Variants in PEX5L observed in about 807,000 individuals in gnomAD.
PEX5L encodes the protein PEX5-related protein.
A neutral mutation model predicts 84.0 loss-of-function variants in PEX5L; 30 were observed. The ratio of observed to expected loss-of-function variants is 0.36; its 90% CI spans 0.27 to 0.48. The LOEUF is 0.48. PEX5L is among the 20% of genes least tolerant of loss of function. PEX5L has a pLI of 0.99. For missense variants in PEX5L, 533 were observed against 754.6 expected (o/e 0.71, Z 3.44); for synonymous variants, 270 against 283.1 (o/e 0.95, Z 0.46).
rs1322040918 is a variant in PEX5L, at chr3:179,835,553, T to A, written c.823-15577A>T. Among the ~76,000 whole-genome samples the A allele has an allele frequency of 2.6e-5, 4 of 152,206 alleles. No homozygotes were observed. The East Asian group carries it at 7.7e-4, about 29-fold the overall frequency. On this transcript the variant is annotated intron_variant, in intron 8 of 14. Transcript: ENST00000467460. ...GAGGCAGAGCTTGTGATTTATTTTT[T>A]AAAAGTATATTTAGAATCTGAAGAA...
Position 180,014,051 on chromosome 3 carries a change from G to A in PEX5L, c.21+22528C>T, listed in dbSNP as rs550968386. ...TTGGCACCATTGGGTGGGAAAGGGA[G>A]TAATGCATCCATGCTCATGCCCTTG... is the stretch of plus-strand genomic sequence containing the variant. On this transcript the variant is annotated intron_variant, in intron 1 of 14. Transcript: ENST00000467460. Among the ~76,000 whole-genome samples the A allele has an allele frequency of 5.1e-4, 77 of 152,226 alleles. 1 individual carries two copies. Among genetic ancestry groups the A allele is most frequent in the Non-Finnish European group, 1.5e-4 (10 of 68,042 alleles).
intron 2 of PEX5L, among the ~76,000 whole-genome samples, chr3:179,963,890 C>G (rs983834789): frequency 6.6e-6 from 1 of 152,020 alleles, no homozygotes; most frequent in African/African-American, 2.4e-5. Flanking sequence ...CATCCATGAC[C>G]CCAGACTAGA....
intron 2 of PEX5L, among the ~76,000 whole-genome samples, chr3:179,941,894 G>A (rs926174744): frequency 6.6e-6 from 1 of 151,000 alleles, no homozygotes; most frequent in African/African-American, 2.4e-5. Flanking sequence ...GGTGGTGGGC[G>A]CCTGTAATCC....
At chr3:179,867,257 A>G (rs760499770) in intron 7 of PEX5L, among the ~76,000 whole-genome samples, 3 of 152,140 alleles carry the variant, frequency 2.0e-5, no homozygotes, top group African/African-American at 7.2e-5. Flanking sequence ...ACTAGTTTTA[A>G]AAATGATCCA....
At chr3:179,961,061 G>T (rs1781867664) in intron 2 of PEX5L, among the ~76,000 whole-genome samples, 1 of 141,474 alleles carries the variant, frequency 7.1e-6, no homozygotes, top group Non-Finnish European at 1.5e-5. Flanking sequence ...CCAGCACAAA[G>T]CCTGGATGGT....
At chr3:179,870,921 T>G (rs950399273) in intron 7 of PEX5L, among the ~76,000 whole-genome samples, 1 of 152,182 alleles carries the variant, frequency 6.6e-6, no homozygotes, top group Non-Finnish European at 1.5e-5. Flanking sequence ...AAAGAAAATT[T>G]GAAAACATTA....
intron 2 of PEX5L, 81 bp from the exon 3 acceptor site, chr3:179,898,327 A>G: frequency 2.0e-6 from 2 of 996,708 alleles, no homozygotes; most frequent in South Asian, 1.8e-5. Context: ...TAATGTTTAA[A>G]GAGCAATCCA....
At chr3:179,929,224 T>G (rs543854312) in intron 2 of PEX5L, among the ~76,000 whole-genome samples, 1 of 152,288 alleles carries the variant, frequency 6.6e-6, no homozygotes, top group South Asian at 2.1e-4. Flanking sequence ...AAAATCAGGT[T>G]GCTTCCCTAG....
intron 2 of PEX5L, among the ~76,000 whole-genome samples, chr3:179,950,117 G>A (rs1778678171): frequency 6.6e-6 from 1 of 152,210 alleles, no homozygotes; most frequent in Non-Finnish European, 1.5e-5. Flanking sequence ...GTCAGTGACA[G>A]TGGCTTTACA....
intron 1 of PEX5L, among the ~76,000 whole-genome samples, chr3:180,024,635 T>C (rs1790774296): frequency 6.6e-6 from 1 of 151,618 alleles, no homozygotes; most frequent in African/African-American, 2.4e-5. Context: ...TGTATGACCA[T>C]TGTGAGTACA....
At chr3:179,944,266 A>G (rs1340789906) in intron 2 of PEX5L, among the ~76,000 whole-genome samples, 2 of 152,190 alleles carry the variant, frequency 1.3e-5, no homozygotes, top group Non-Finnish European at 2.9e-5. Context: ...TGCATAAAAG[A>G]TGGGAGGTTT....
intron 8 of PEX5L, among the ~76,000 whole-genome samples, chr3:179,843,142 A>G (rs1737938091): frequency 6.6e-6 from 1 of 152,236 alleles, no homozygotes; most frequent in African/African-American, 2.4e-5. Flanking sequence ...TACTAAAAAA[A>G]GAACTGATAC....
rs769196966 is a variant in PEX5L, at chr3:179,801,805, T to C, written c.*23A>G. The stretch of plus-strand genomic sequence containing the variant: ...GTACAATCACACAGATCAGGGATTA[T>C]TAGTACTGGTATTATTCTTTCTTCA... On this transcript the variant is annotated 3_prime_UTR_variant, in exon 15 of 15. Coordinates refer to ENST00000467460, the MANE Select transcript of PEX5L (RefSeq NM_016559.3). 7 of 1,357,318 alleles carry C rather than the reference T, an allele frequency of 5.2e-6. No individual in the cohort carries two copies. Among genetic ancestry groups the C allele is most frequent in the Middle Eastern group, 1.8e-4 (1 of 5,466 alleles). 84.1% of individuals were successfully genotyped at this position (1,357,318 alleles called of 1,614,324 possible). A position where few individuals can be genotyped will look rare whatever the true frequency, so the allele number is the denominator to read the frequency against.
chr3:179,954,230 G>GTA lies in PEX5L; in HGVS notation c.93+17363_93+17364insTA, dbSNP rs1475141038. Among the ~76,000 whole-genome samples, 19 of 150,770 alleles carry GTA rather than the reference G, an allele frequency of 1.3e-4. No individual in the cohort carries two copies. The East Asian group carries it at 3.7e-3, about 29-fold the overall frequency. On this transcript the variant is annotated intron_variant, in intron 2 of 14. Coordinates refer to ENST00000467460, the MANE Select transcript of PEX5L (RefSeq NM_016559.3). ...GGGGGGGGGGGAAAAAGTCAGCCAT[G>GTA]AGTAAAAGGGCTTCAGCACTCTCAG...
At chr3:179,930,752 G>C (rs1450096406) in intron 2 of PEX5L, among the ~76,000 whole-genome samples, 1 of 152,160 alleles carries the variant, frequency 6.6e-6, no homozygotes, top group Non-Finnish European at 1.5e-5. Context: ...AATATTTGGT[G>C]CTTTTTCTAA....
chr3:179,963,952 CTTTT>C (rs904664110), intron 2 of PEX5L, among the ~76,000 whole-genome samples: 1 of 149,166 alleles, frequency 6.7e-6, no homozygotes, highest in Non-Finnish European at 1.5e-5. Context: ...CCAAGGACAT[CTTTT>C]TTTTTTAACT....
intron 2 of PEX5L, among the ~76,000 whole-genome samples, chr3:179,910,032 G>A (rs1448970468): frequency 2.6e-5 from 4 of 152,210 alleles, no homozygotes; most frequent in Non-Finnish European, 5.9e-5. Context: ...TGACTACGAA[G>A]CGGTCTTACT....
intron 2 of PEX5L, among the ~76,000 whole-genome samples, chr3:179,916,539 A>C (rs532495153): frequency 6.6e-6 from 1 of 152,324 alleles, no homozygotes; most frequent in Admixed American, 6.5e-5. Flanking sequence ...ATTACTGTAT[A>C]CTACTGTAGA....
chr3:180,008,141 T>C (rs1323360116), intron 1 of PEX5L, among the ~76,000 whole-genome samples: 4 of 152,214 alleles, frequency 2.6e-5, no homozygotes, highest in African/African-American at 2.4e-5. Flanking sequence ...AAGTTACCTA[T>C]TGAATGCTTT....
Sources: gnomAD v4.1 joint callset for allele counts (sites outside exome capture counted in the v4.1 genomes callset) on GRCh38, gnomAD v4.1.1 for gene constraint, MANE v1.5 for transcripts, NCBI Gene and HGNC (gene_info 2026-07-23, HGNC 2026-07-21) for gene names.